The following COP1 variants were observed in gnomAD, a reference collection of about 807,000 sequenced individuals.
COP1 encodes COP1 E3 ubiquitin ligase.
COP1 carries 24 observed loss-of-function variants against 101.3 expected under a neutral mutation model. The ratio of observed to expected loss-of-function variants is 0.24; its 90% CI spans 0.17 to 0.33. The LOEUF is 0.33. Ranked by LOEUF, COP1 falls within the 10% of genes least tolerant of loss-of-function variation. COP1 has a pLI of 1.00. For missense variants in COP1, 663 were observed against 906.2 expected (o/e 0.73, Z 3.45); for synonymous variants, 347 against 341.9 (o/e 1.01, Z -0.17).
intron 11 of COP1, among the ~76,000 whole-genome samples, chr1:176,053,142 C>A (rs1396866981): frequency 6.6e-6 from 1 of 152,074 alleles, no homozygotes; most frequent in Non-Finnish European, 1.5e-5. Context: ...CTCTCTCCAC[C>A]CAGATAAGCC....
intron 11 of COP1, among the ~76,000 whole-genome samples, chr1:176,061,398 G>A (rs959422023): frequency 2.6e-5 from 4 of 152,100 alleles, no homozygotes; most frequent in South Asian, 2.1e-4. Flanking sequence ...AGGCCGAGGT[G>A]GGCAGATCAC....
intron 9 of COP1, among the ~76,000 whole-genome samples, chr1:176,093,771 C>T (rs956578855): frequency 4.1e-4 from 63 of 152,108 alleles, no homozygotes; most frequent in Non-Finnish European, 7.1e-4. Flanking sequence ...ACCTGGGAGG[C>T]GGAGCCTGCA....
At chr1:175,978,640 C>G (rs368726984) in intron 18 of COP1, among the ~76,000 whole-genome samples, 2 of 152,216 alleles carry the variant, frequency 1.3e-5, no homozygotes, top group East Asian at 3.9e-4. Context: ...TCAGAATCTG[C>G]TTTCATTCTA....
chr1:176,207,028 C>T lies in COP1; in HGVS notation c.-50G>A. The T allele has an allele frequency of 7.5e-7, 1 of 1,329,420 alleles. No individual in the cohort carries two copies. The highest frequency in any genetic ancestry group is 9.6e-7 in the Non-Finnish European group (1 of 1,038,730). 82.4% of individuals were successfully genotyped at this position (1,329,420 alleles called of 1,614,324 possible). On this transcript the variant is annotated 5_prime_UTR_variant, in exon 1 of 20. Coordinates refer to ENST00000367669, the MANE Select transcript of COP1 (RefSeq NM_022457.7). ...GCGCTCGGAGGAGAGGGACCGCGAC[C>T]TCGACCCTCCGCCGCCTCCCCTCCC...
chr1:176,097,771 A>G (rs1682672528), intron 9 of COP1, among the ~76,000 whole-genome samples: 1 of 148,212 alleles, frequency 6.7e-6, no homozygotes, highest in Non-Finnish European at 1.5e-5. Flanking sequence ...AGGGAGGCTG[A>G]GGCGGGACAA....
chr1:176,043,330 G>GA (rs1003399401), intron 13 of COP1, 63 bp from the exon 14 acceptor site: 55,143 of 652,848 alleles, frequency 0.084, no homozygotes, highest in South Asian at 0.11. Context: ...AATAAAGCAA[G>GA]AAAAAAAAAA....
At chr1:176,145,760 TA>T (rs1691492940) in intron 6 of COP1, among the ~76,000 whole-genome samples, 1 of 135,192 alleles carries the variant, frequency 7.4e-6, no homozygotes, top group South Asian at 2.8e-4. Flanking sequence ...CAAGCACACT[TA>T]AATAACGCTC....
intron 3 of COP1, chr1:176,168,713 CA>C: frequency 2.9e-6 from 1 of 349,560 alleles, no homozygotes. Flanking sequence ...CATTCAAAAC[CA>C]AGGGAGGCAG....
At chr1:176,146,209 A>C (rs1439563948) in intron 6 of COP1, among the ~76,000 whole-genome samples, 1 of 152,202 alleles carries the variant, frequency 6.6e-6, no homozygotes. Context: ...ATTTGCACAG[A>C]GAAGACTGGC....
intron 1 of COP1, among the ~76,000 whole-genome samples, chr1:176,202,173 C>G (rs865950969): frequency 6.8e-6 from 1 of 147,186 alleles, no homozygotes; most frequent in African/African-American, 2.5e-5. Flanking sequence ...TTCTATGATA[C>G]GTTCTAGTTC....
chr1:175,995,645 A>G (rs898137011), intron 15 of COP1, among the ~76,000 whole-genome samples: 3 of 152,286 alleles, frequency 2.0e-5, no homozygotes, highest in African/African-American at 7.2e-5. Context: ...TTGAAAATCT[A>G]GAACAAATGG....
intron 18 of COP1, among the ~76,000 whole-genome samples, chr1:175,948,580 T>C (rs1276681829): frequency 2.0e-5 from 3 of 152,238 alleles, no homozygotes; most frequent in Non-Finnish European, 4.4e-5. Flanking sequence ...TTCTTTGACA[T>C]ATGCAAGTTG....
chr1:176,072,890 AGG>A (rs1677258396), intron 11 of COP1, among the ~76,000 whole-genome samples: 2 of 152,202 alleles, frequency 1.3e-5, no homozygotes, highest in African/African-American at 4.8e-5. Flanking sequence ...ACCTCCTTAT[AGG>A]AATAGGGATA....
chr1:176,089,378 A>G (rs1177308751), intron 9 of COP1, among the ~76,000 whole-genome samples: 2 of 152,242 alleles, frequency 1.3e-5, no homozygotes, highest in Non-Finnish European at 2.9e-5. Context: ...TACACATGCC[A>G]AAGAGTTTGA....
rs113303187 is a variant in COP1, at chr1:176,141,735, CT to C, written c.832-5189del. Among the ~76,000 whole-genome samples the C allele has an allele frequency of 4.6e-3, 658 of 141,872 alleles. 4 individuals are homozygous for C. The highest frequency in any genetic ancestry group is 7.6e-3 in the African/African-American group (294 of 38,844). 93.1% of individuals were successfully genotyped at this position (141,872 alleles called of 152,430 possible). ...ACCCTTTCATAGCACTTTTTCTTTTCTTTTTTTTTTTTTAAGACAGGGACTC... is the reference window on the plus strand; with the variant it reads ...ACCCTTTCATAGCACTTTTTCTTTTCTTTTTTTTTTTTAAGACAGGGACTC... On this transcript the variant is annotated intron_variant, in intron 6 of 19. Coordinates refer to ENST00000367669, the MANE Select transcript of COP1 (RefSeq NM_022457.7).
chr1:176,194,662 T>C (rs756807297), intron 1 of COP1, among the ~76,000 whole-genome samples: 13 of 151,198 alleles, frequency 8.6e-5, no homozygotes, highest in Non-Finnish European at 1.6e-4. Flanking sequence ...CAAAGGCAGA[T>C]TGTCATACTA....
At chr1:175,995,486 T>A (rs1359705340) in intron 15 of COP1, among the ~76,000 whole-genome samples, 1 of 151,884 alleles carries the variant, frequency 6.6e-6, no homozygotes, top group African/African-American at 2.4e-5. Flanking sequence ...TCAACAAAAT[T>A]GATAGACCAC....
chr1:176,065,499 TA>T (rs1200749210), intron 11 of COP1, among the ~76,000 whole-genome samples: 1 of 152,204 alleles, frequency 6.6e-6, no homozygotes, highest in African/African-American at 2.4e-5. Context: ...CAGTTATTTG[TA>T]AGTTGCAGTT....
At chr1:176,178,527 G>A (rs916012428) in intron 2 of COP1, among the ~76,000 whole-genome samples, 5 of 151,980 alleles carry the variant, frequency 3.3e-5, no homozygotes, top group African/African-American at 1.2e-4. Flanking sequence ...AACAAAGCAA[G>A]TCATAAAGGA....
Sources: gnomAD v4.1 joint callset for allele counts (sites outside exome capture counted in the v4.1 genomes callset) on GRCh38, gnomAD v4.1.1 for gene constraint, MANE v1.5 for transcripts, NCBI Gene and HGNC (gene_info 2026-07-23, HGNC 2026-07-21) for gene names.